STIM2: variants seen among roughly 807,000 people sequenced by gnomAD.
STIM2 encodes the protein stromal interaction molecule 2.
In STIM2, 31 loss-of-function variants were observed where a neutral mutation model predicts 85.8. The observed-to-expected ratio is 0.36, with a 90% CI of 0.27 to 0.49. The LOEUF is 0.49. STIM2 is among the 20% of genes least tolerant of loss of function. The pLI is 0.98. For synonymous variants in STIM2, 356 were observed against 331.1 expected (o/e 1.08, Z -0.82); for missense variants, 841 against 927.6 (o/e 0.91, Z 1.21).
intron 11 of STIM2, among the ~76,000 whole-genome samples, chr4:27,020,608 A>C (rs1422121684): frequency 6.6e-6 from 1 of 152,196 alleles, no homozygotes; most frequent in East Asian, 1.9e-4. Context: ...GAAATGACTA[A>C]ATTCAGCAAT....
intron 1 of STIM2, among the ~76,000 whole-genome samples, chr4:26,898,468 A>G (rs989860857): frequency 1.3e-5 from 2 of 152,070 alleles, no homozygotes; most frequent in African/African-American, 4.8e-5. Flanking sequence ...TTTATCCTTC[A>G]TGTAGTGGCT....
intron 2 of STIM2, among the ~76,000 whole-genome samples, chr4:26,934,689 G>A (rs1312083418): frequency 1.3e-5 from 2 of 152,132 alleles, no homozygotes; most frequent in East Asian, 1.9e-4. Context: ...CGAGGTGGGT[G>A]AATCTCCTGA....
chr4:26,923,376 G>A (rs1724884465), intron 2 of STIM2, among the ~76,000 whole-genome samples: 1 of 152,134 alleles, frequency 6.6e-6, no homozygotes, highest in African/African-American at 2.4e-5. Context: ...GCTGGATGGA[G>A]AATGATTTTG....
intron 2 of STIM2, among the ~76,000 whole-genome samples, chr4:26,932,429 A>G (rs997492469): frequency 2.6e-5 from 4 of 152,224 alleles, no homozygotes; most frequent in Admixed American, 2.0e-4. Flanking sequence ...CAGATTTTTC[A>G]GTGACTTTAA....
chr4:26,874,071 G>A, intron 1 of STIM2: 1 of 639,984 alleles, frequency 1.6e-6, no homozygotes, highest in Non-Finnish European at 3.0e-6. Flanking sequence ...CTTGGCACCT[G>A]AGGTACTCTT....
chr4:26,981,829 T>G (rs1727407497), intron 3 of STIM2, among the ~76,000 whole-genome samples: 1 of 152,244 alleles, frequency 6.6e-6, no homozygotes, highest in Non-Finnish European at 1.5e-5. Context: ...GTGATTCTTT[T>G]TATTATATCA....
At chr4:26,986,367 T>G (rs1046256738) in intron 3 of STIM2, among the ~76,000 whole-genome samples, 4 of 152,218 alleles carry the variant, frequency 2.6e-5, no homozygotes, top group African/African-American at 9.6e-5. Context: ...CAGATCATCT[T>G]TAAGATATTT....
chr4:26,985,520 T>G (rs942900491), intron 3 of STIM2, among the ~76,000 whole-genome samples: 8 of 152,228 alleles, frequency 5.3e-5, no homozygotes, highest in African/African-American at 1.4e-4. Flanking sequence ...AGTTTTTAGC[T>G]TCTATCAACA....
At chr4:26,986,807 AAAAAC>A (rs1283764819) in intron 3 of STIM2, among the ~76,000 whole-genome samples, 1 of 152,240 alleles carries the variant, frequency 6.6e-6, no homozygotes, top group Non-Finnish European at 1.5e-5. Flanking sequence ...ATTGATAATT[AAAAAC>A]AAAACAAAAC....
In STIM2 at chr4:27,004,963, G is replaced by C. The variant is rs1405180200; in HGVS notation, c.981+1859G>C. ...TTCATTTACAAATGAGCTGTGTAGA[G>C]AGGCTAGATAACTTACTTGCCTTGG... On this transcript the variant is annotated intron_variant, in intron 7 of 11. Transcript: ENST00000467087. 4.6e-5 allele frequency among the ~76,000 whole-genome samples: 7 copies of C among 152,132 alleles called. No individual in the cohort carries two copies. The South Asian group carries it at 1.4e-3, about 31-fold the overall frequency.
At chr4:26,898,280 C>T (rs1723783550) in intron 1 of STIM2, among the ~76,000 whole-genome samples, 1 of 152,074 alleles carries the variant, frequency 6.6e-6, no homozygotes, top group Admixed American at 6.5e-5. Flanking sequence ...GATTTAGCAG[C>T]TTGGTTAGAT....
rs758088279 is a variant in STIM2, at chr4:27,017,862, G to A, written c.1641G>A (p.Pro547=). The change falls in exon 11 of 12, where the codon CCG becomes CCA. Residue 547 remains proline (P), a synonymous_variant. Transcript: ENST00000467087. ...CACACCCTCGGCACCCTCACCACCC[G>A]CAACACACACCACACTCCTTGCCTT... 3.9e-5 allele frequency: 63 copies of A among 1,613,828 alleles called. No homozygotes were observed. Among genetic ancestry groups the A allele is most frequent in the African/African-American group, 1.3e-4 (10 of 74,828 alleles).
At chr4:26,921,827 G>A (rs1253230759) in intron 2 of STIM2, among the ~76,000 whole-genome samples, 2 of 152,106 alleles carry the variant, frequency 1.3e-5, no homozygotes, top group Non-Finnish European at 2.9e-5. Flanking sequence ...TTGCTTATTA[G>A]GTCAGATATT....
Position 26,987,695 on chromosome 4 carries a change from T to C in STIM2, c.398-7684T>C, listed in dbSNP as rs145159291. Among the ~76,000 whole-genome samples, 359 of 152,344 alleles carry C rather than the reference T, an allele frequency of 2.4e-3. 1 individual carries two copies. The highest frequency in any genetic ancestry group is 8.4e-3 in the African/African-American group (348 of 41,594). On this transcript the variant is annotated intron_variant, in intron 3 of 11. Coordinates refer to ENST00000467087, the MANE Select transcript of STIM2 (RefSeq NM_020860.4). ...ATGATGAAGAACTGACGTAGCTCCA[T>C]TGAGCTTTTCTGTTACTCCCTCCAG...
At chr4:26,863,836 T>C (rs1246842145) in intron 1 of STIM2, among the ~76,000 whole-genome samples, 3 of 152,150 alleles carry the variant, frequency 2.0e-5, no homozygotes, top group African/African-American at 7.2e-5. Flanking sequence ...CTGTGAGTAT[T>C]CTCAATAGCT....
At chr4:26,862,983 A>G (rs1722274796) in intron 1 of STIM2, among the ~76,000 whole-genome samples, 1 of 152,188 alleles carries the variant, frequency 6.6e-6, no homozygotes, top group Non-Finnish European at 1.5e-5. Flanking sequence ...TGTGGTTAAT[A>G]CATAATTGGC....
rs12643857 is a variant in STIM2, at chr4:26,965,422, G to C, written c.397+7696G>C. Among the ~76,000 whole-genome samples, 69 of 152,158 alleles carry C rather than the reference G, an allele frequency of 4.5e-4. No individual in the cohort carries two copies. In the East Asian group the frequency reaches 9.1e-3, roughly 20 times the overall value. ...TTTGTATTAATCATTAGTTATAATT[G>C]ATTTTTGTACTTCATACAGAGTTTG... On this transcript the variant is annotated intron_variant, in intron 3 of 11. Coordinates refer to ENST00000467087, the MANE Select transcript of STIM2 (RefSeq NM_020860.4).
At chr4:26,885,871 A>ATATGTATATATATATGTATG (rs1723226195) in intron 1 of STIM2, among the ~76,000 whole-genome samples, 1 of 117,910 alleles carries the variant, frequency 8.5e-6, no homozygotes, top group Non-Finnish European at 1.8e-5. Flanking sequence ...ATATATATAT[A>ATATGTATATATATATGTATG]TATGTATATG....
In STIM2 at chr4:27,005,123, C is replaced by T. The variant is rs75733284; in HGVS notation, c.981+2019C>T. On this transcript the variant is annotated intron_variant, in intron 7 of 11. Coordinates refer to ENST00000467087, the MANE Select transcript of STIM2 (RefSeq NM_020860.4). ...AGAAATGATGTATAATATGACATAACCCACAATTCCACGTAGTTCAAGGAA... is the reference window on the plus strand; with the variant it reads ...AGAAATGATGTATAATATGACATAATCCACAATTCCACGTAGTTCAAGGAA... 1.1e-3 allele frequency among the ~76,000 whole-genome samples: 161 copies of T among 152,262 alleles called. 1 individual carries two copies. Among genetic ancestry groups the T allele is most frequent in the African/African-American group, 3.7e-3 (155 of 41,552 alleles).
Sources: allele counts gnomAD v4.1 joint callset (sites outside exome capture counted in the v4.1 genomes callset), GRCh38; gene constraint gnomAD v4.1.1; transcripts MANE v1.5; gene names NCBI Gene and HGNC (gene_info 2026-07-23, HGNC 2026-07-21).